AFAP1L2: variants seen among roughly 807,000 people sequenced by gnomAD.
AFAP1L2 encodes actin filament associated protein 1 like 2.
AFAP1L2 carries 46 observed loss-of-function variants against 99.3 expected under a neutral mutation model. The observed-to-expected ratio is 0.46, with a 90% CI of 0.37 to 0.59. AFAP1L2 has a LOEUF of 0.59. AFAP1L2 is among the 20% of genes least tolerant of loss of function. The pLI, the probability that AFAP1L2 is intolerant of heterozygous loss-of-function variation, is 0.00. For synonymous variants in AFAP1L2, 397 were observed against 419.1 expected (o/e 0.95, Z 0.64); for missense variants, 959 against 1,034.9 (o/e 0.93, Z 1.01).
chr10:114,377,276 C>T lies in AFAP1L2; in HGVS notation c.16+27164G>A, dbSNP rs529714337. Reference sequence around the variant, plus strand: ...ATGTTTTACCAGAGTATCTGGAAAGCCTAGTAGAAATATTCTGCCTTAAAA... The same window carrying T: ...ATGTTTTACCAGAGTATCTGGAAAGTCTAGTAGAAATATTCTGCCTTAAAA... On this transcript the variant is annotated intron_variant, in intron 1 of 18. Coordinates refer to ENST00000304129, the MANE Select transcript of AFAP1L2 (RefSeq NM_001001936.3). This position sits in a 1 kb window ranked among gnomAD's most constrained non-coding sequence, Gnocchi z 4.0. Among the ~76,000 whole-genome samples, 1 of 152,278 alleles carries T rather than the reference C, an allele frequency of 6.6e-6. No individual in the cohort carries two copies. The highest frequency in any genetic ancestry group is 6.5e-5 in the Admixed American group (1 of 15,290).
chr10:114,286,242 T>G, the AFAP1L2 span: 26 of 1,612,992 alleles, frequency 1.6e-5, no homozygotes, highest in African/African-American at 2.5e-4. Flanking sequence ...GAGCGTGGCT[T>G]CGGGAGCGCC....
chr10:114,290,937 A>G (rs150844361), downstream of AFAP1L2, among the ~76,000 whole-genome samples: 9 of 152,338 alleles, frequency 5.9e-5, no homozygotes, highest in East Asian at 1.9e-4. Flanking sequence ...TAGAGGTCCA[A>G]CTATGGCTCC....
chr10:114,289,877 CT>C (rs770140668), downstream of AFAP1L2: 1 of 337,340 alleles, frequency 3.0e-6, no homozygotes, highest in Non-Finnish European at 5.6e-6. Flanking sequence ...GTGACCTCCT[CT>C]TCACCTTCTT....
chr10:114,294,525 T>C (rs1484450775), downstream of AFAP1L2, among the ~76,000 whole-genome samples: 1 of 152,210 alleles, frequency 6.6e-6, no homozygotes. Flanking sequence ...CTTCCCAGTA[T>C]TGGTATGTTT....
chr10:114,299,351 C>T lies in AFAP1L2; in HGVS notation c.2022G>A (p.Arg674=). ...GGATTTCTTCCTTCTTCTTTTCAAG[C>T]CTCTCCTTCTCCTCTGTGTACCGCT... ...EVKRYTEEKE[R]LEKKKEEIRG... The change falls in exon 16 of 19, where the codon AGG becomes AGA. Residue 674 remains arginine, a synonymous_variant. Coordinates refer to ENST00000304129, the MANE Select transcript of AFAP1L2 (RefSeq NM_001001936.3). 3.1e-6 allele frequency: 5 copies of T among 1,614,234 alleles called. No homozygotes were observed. Among genetic ancestry groups the T allele is most frequent in the Non-Finnish European group, 4.2e-6 (5 of 1,180,044 alleles).
At chr10:114,397,608 A>G (rs2057847430) in intron 1 of AFAP1L2, among the ~76,000 whole-genome samples, 1 of 152,192 alleles carries the variant, frequency 6.6e-6, no homozygotes, top group South Asian at 2.1e-4. Context: ...GATTCCTGGG[A>G]CACCAGACTT....
the AFAP1L2 span, among the ~76,000 whole-genome samples, chr10:114,288,238 C>G: frequency 6.6e-6 from 1 of 152,358 alleles, no homozygotes; most frequent in Middle Eastern, 3.4e-3. Context: ...CTGACCCCTT[C>G]TCCCAGTCTT....
chr10:114,288,819 T>C, the AFAP1L2 span: 1 of 974,022 alleles, frequency 1.0e-6, no homozygotes, highest in Non-Finnish European at 1.5e-6. Context: ...GGGTGTATTC[T>C]GCAGTGAACA....
In AFAP1L2 at chr10:114,316,156, G is replaced by C. The variant is rs549461976; in HGVS notation, c.407-391C>G. On this transcript the variant is annotated intron_variant, in intron 5 of 18. Transcript: ENST00000304129. ...TAATTCCTCAAATGAAAGATGAAAG[G>C]CGTGGGGTGGGATGTTGCCAGGTTC... 2.5e-3 allele frequency among the ~76,000 whole-genome samples: 386 copies of C among 152,298 alleles called. 3 individuals carry two copies. The highest frequency in any genetic ancestry group is 8.9e-3 in the African/African-American group (368 of 41,558).
intron 1 of AFAP1L2, among the ~76,000 whole-genome samples, chr10:114,353,942 A>C (rs1026917853): frequency 2.6e-5 from 4 of 152,140 alleles, no homozygotes; most frequent in Non-Finnish European, 5.9e-5. Context: ...GTAAAGAAAG[A>C]CCTTCACTTA....
intron 1 of AFAP1L2, among the ~76,000 whole-genome samples, chr10:114,403,315 G>A (rs1041039195): frequency 1.3e-5 from 2 of 152,160 alleles, no homozygotes; most frequent in African/African-American, 4.8e-5. Flanking sequence ...ATGAGAAAAA[G>A]CAATGGGAAA....
chr10:114,359,530 C>T (rs1358734224), intron 1 of AFAP1L2, among the ~76,000 whole-genome samples: 2 of 152,164 alleles, frequency 1.3e-5, no homozygotes, highest in East Asian at 1.9e-4. Flanking sequence ...CAACTTTCCC[C>T]GCACCCTGCA....
At chr10:114,297,885 C>A (rs2040511281) in intron 16 of AFAP1L2, among the ~76,000 whole-genome samples, 1 of 152,164 alleles carries the variant, frequency 6.6e-6, no homozygotes, top group South Asian at 2.1e-4. Flanking sequence ...TGCTGCCACA[C>A]CGTGAAATGA....
chr10:114,354,263 T>C (rs7922542), intron 1 of AFAP1L2, among the ~76,000 whole-genome samples: 37,903 of 152,076 alleles, frequency 0.25, 5,392 homozygotes, highest in Non-Finnish European at 0.32. Context: ...GCAATTTTAG[T>C]ATAGCAGGTG....
intron 11 of AFAP1L2, among the ~76,000 whole-genome samples, chr10:114,303,392 C>T (rs777303073): frequency 9.8e-5 from 15 of 152,342 alleles, no homozygotes; most frequent in Admixed American, 2.0e-4. Context: ...ACTGTAGCCT[C>T]TGCCTCCCGG....
intron 1 of AFAP1L2, among the ~76,000 whole-genome samples, chr10:114,383,590 T>A (rs889916438): frequency 6.6e-6 from 1 of 152,226 alleles, no homozygotes; most frequent in Admixed American, 6.5e-5. Context: ...AATATAGATG[T>A]AAAATTACTA....
chr10:114,305,603 A>G (rs1267968236), intron 10 of AFAP1L2, among the ~76,000 whole-genome samples: 135 of 72,262 alleles, frequency 1.9e-3, no homozygotes, highest in East Asian at 3.9e-3. Context: ...GGGGCTGCAG[A>G]AGGAGATGCA....
intron 1 of AFAP1L2, among the ~76,000 whole-genome samples, chr10:114,356,989 G>A (rs965274122): frequency 1.3e-5 from 2 of 152,220 alleles, no homozygotes; most frequent in Non-Finnish European, 2.9e-5. Context: ...ACAAGAGCCA[G>A]TTATTCATCA....
rs538107139 is a variant in AFAP1L2, at chr10:114,320,834, C to T, written c.406+2337G>A. ...CCTGGGAGCAGGGAAGTGCTCACTG[C>T]GGTGAGTCACTGTTTCCACCTTCAA... On this transcript the variant is annotated intron_variant, in intron 5 of 18. Coordinates refer to ENST00000304129, the MANE Select transcript of AFAP1L2 (RefSeq NM_001001936.3). Among the ~76,000 whole-genome samples, 9 of 152,334 alleles carry T rather than the reference C, an allele frequency of 5.9e-5. No individual in the cohort carries two copies. In the South Asian group the frequency reaches 6.2e-4, roughly 11 times the overall value.
Sources: allele counts gnomAD v4.1 joint callset (sites outside exome capture counted in the v4.1 genomes callset), GRCh38; gene constraint gnomAD v4.1.1; non-coding constraint Gnocchi (gnomAD v3.1); transcripts MANE v1.5; gene names NCBI Gene and HGNC (gene_info 2026-07-23, HGNC 2026-07-21).